The following NAA60 variants were observed in gnomAD, a reference collection of about 807,000 sequenced individuals.
NAA60 encodes the protein N-alpha-acetyltransferase 60, NatF catalytic subunit, also known as N-alpha-acetyltransferase 60.
A neutral mutation model predicts 26.1 loss-of-function variants in NAA60; 8 were observed. The ratio of observed to expected loss-of-function variants is 0.31; its 90% confidence interval spans 0.18 to 0.55. The LOEUF is 0.55. Ranked by LOEUF, NAA60 falls within the 20% of genes least tolerant of loss-of-function variation. NAA60 has a pLI of 0.93. For synonymous variants in NAA60, 131 were observed against 122.5 expected (o/e 1.07, Z -0.46); for missense variants, 290 against 311.3 (o/e 0.93, Z 0.51).
At chr16:3,476,538 A>G (rs535266459) in intron 3 of NAA60, among the ~76,000 whole-genome samples, 2 of 152,302 alleles carry the variant, frequency 1.3e-5, no homozygotes, top group South Asian at 4.1e-4. Context: ...CAGGGTGTGC[A>G]GAGTTCCCCA....
Position 3,479,587 on chromosome 16 carries a change from A to G in NAA60, c.227A>G (p.Lys76Arg). ...GTAGCTGAAATTAAGAACAGGACCA[A>G]AATACATAAAGAGGTACGTACGTGT... Reference protein sequence around the residue: ...MIVAEIKNRTKIHKEDGDILA... With the variant: ...MIVAEIKNRTRIHKEDGDILA... Residue 76 changes from lysine to arginine, a missense_variant, in exon 4 of 8, where the codon AAA becomes AGA. Lys to Arg is a conservative substitution (Grantham distance 26, BLOSUM62 2). Coordinates refer to ENST00000407558, the MANE Select transcript of NAA60 (RefSeq NM_001083601.3). 6.2e-7 allele frequency: 1 copy of G among 1,614,062 alleles called. No individual in the cohort carries two copies. The highest frequency in any genetic ancestry group is 8.5e-7 in the Non-Finnish European group (1 of 1,179,900).
chr16:3,466,717 A>C (rs2035788239), intron 2 of NAA60, among the ~76,000 whole-genome samples: 2 of 152,158 alleles, frequency 1.3e-5, no homozygotes, highest in South Asian at 4.1e-4. Flanking sequence ...GCTAACGGGC[A>C]GGACTGGGGT....
chr16:3,482,794 C>T (rs984548952), intron 5 of NAA60, 196 bp downstream of exon 5: 2 of 612,852 alleles, frequency 3.3e-6, no homozygotes, highest in East Asian at 2.8e-5. Context: ...CACCCACCAC[C>T]TTCAGCCATC....
At chr16:3,460,756 A>G (rs182257530) in intron 2 of NAA60, among the ~76,000 whole-genome samples, 1 of 152,278 alleles carries the variant, frequency 6.6e-6, no homozygotes, top group East Asian at 1.9e-4. Context: ...GCTTATGTCC[A>G]TGTGAAGTGC....
chr16:3,481,482 C>T (rs933650742), intron 4 of NAA60, among the ~76,000 whole-genome samples: 2 of 152,150 alleles, frequency 1.3e-5, no homozygotes, highest in Admixed American at 1.3e-4. Context: ...CTGAGTGCCC[C>T]CTGGTGACTG....
At chr16:3,450,421 C>T (rs1173868951) in intron 2 of NAA60, among the ~76,000 whole-genome samples, 1 of 152,186 alleles carries the variant, frequency 6.6e-6, no homozygotes, top group Non-Finnish European at 1.5e-5. Context: ...TGTGCTCCTG[C>T]TGGGCGCAGT....
chr16:3,476,213 T>TAC lies in NAA60; in HGVS notation c.-6-9_-6-8insAC. ...TGAGGTGACGCGTCCCCCCCACCCT[T>TAC]CCCCACAGGTGTGAATGACAGAGGT... On this transcript the variant is annotated splice_polypyrimidine_tract_variant and intron_variant, in intron 2 of 7. Transcript: ENST00000407558. 3 of 1,593,842 alleles carry TAC rather than the reference T, an allele frequency of 1.9e-6. No individual in the cohort carries two copies. Among genetic ancestry groups the TAC allele is most frequent in the Non-Finnish European group, 2.6e-6 (3 of 1,165,320 alleles).
chr16:3,486,000 G>T lies in NAA60; in HGVS notation c.*740G>T. On this transcript the variant is annotated 3_prime_UTR_variant, in exon 8 of 8. Transcript: ENST00000407558. Reference sequence around the variant, plus strand: ...GGACCTTGGCATGCTCCATTCAGCTGACCTGCTGAGGACAGGCATCGCCGA... The same window carrying T: ...GGACCTTGGCATGCTCCATTCAGCTTACCTGCTGAGGACAGGCATCGCCGA... The T allele has an allele frequency of 1.1e-5, 3 of 270,066 alleles. No homozygotes were observed. The highest frequency in any genetic ancestry group is 1.1e-4 in the East Asian group (1 of 9,406). 16.7% of individuals were successfully genotyped at this position (270,066 alleles called of 1,614,324 possible).
intron 2 of NAA60, among the ~76,000 whole-genome samples, chr16:3,475,646 T>A (rs181976749): frequency 9.2e-5 from 14 of 152,320 alleles, no homozygotes; most frequent in Middle Eastern, 3.4e-3. Flanking sequence ...AGTCTCTTTC[T>A]TTCCGCCCAG....
At position 3,476,314 on chromosome 16, in the gene NAA60, G is replaced by C; in HGVS notation, c.87G>C (p.Leu29=). The change falls in exon 3 of 8, where the codon CTG becomes CTC. Residue 29 remains leucine (L), a synonymous_variant. Coordinates refer to ENST00000407558, the MANE Select transcript of NAA60 (RefSeq NM_001083601.3). ...CHDDIDTVKH[L]CGDWFPIEYP... ...ATGACATAGACACTGTGAAGCACCT[G>C]TGTGGCGACTGGTTCCCCATCGAGT... The C allele has an allele frequency of 6.2e-7, 1 of 1,613,942 alleles. No individual in the cohort carries two copies. The highest frequency in any genetic ancestry group is 1.3e-5 in the African/African-American group (1 of 75,080).
intron 2 of NAA60, among the ~76,000 whole-genome samples, chr16:3,472,781 C>T (rs1256044743): frequency 6.6e-6 from 1 of 152,180 alleles, no homozygotes; most frequent in African/African-American, 2.4e-5. Context: ...GTGGCATACC[C>T]GTTATCCAGA....
chr16:3,457,704 G>C (rs552221109), intron 2 of NAA60, among the ~76,000 whole-genome samples: 1 of 152,238 alleles, frequency 6.6e-6, no homozygotes, highest in Non-Finnish European at 1.5e-5. Context: ...GCCTGCCAGG[G>C]CCTGTGCGGG....
intron 1 of NAA60, chr16:3,447,340 A>C (rs560927646): frequency 6.4e-5 from 23 of 361,112 alleles, no homozygotes; most frequent in Non-Finnish European, 8.9e-5. Flanking sequence ...AGGTGTATAT[A>C]TTTATGTGGT....
chr16:3,443,761 GA>G lies in NAA60; in HGVS notation c.-152del, dbSNP rs1480483660. 9 of 1,533,610 alleles carry G rather than the reference GA, an allele frequency of 5.9e-6. No homozygotes were observed. Among genetic ancestry groups the G allele is most frequent in the Non-Finnish European group, 7.9e-6 (9 of 1,145,716 alleles). ...TAGAGTCTTAGGGTGACCCCAGGGG[GA>G]CGTAATGTTTCCGAGAAGAAGGACA... On this transcript the variant is annotated 5_prime_UTR_variant, in exon 1 of 8. Coordinates refer to ENST00000407558, the MANE Select transcript of NAA60 (RefSeq NM_001083601.3).
Position 3,479,600 on chromosome 16 carries a change from G to C in NAA60, c.240G>C (p.Glu80Asp). The C allele has an allele frequency of 6.2e-7, 1 of 1,613,962 alleles. No homozygotes were observed. The highest frequency in any genetic ancestry group is 8.5e-7 in the Non-Finnish European group (1 of 1,179,862). ...AGAACAGGACCAAAATACATAAAGA[G>C]GTACGTACGTGTGTGCAGTGAGGAC... ...EIKNRTKIHK[E>D]DGDILASNFS... is the part of the protein sequence containing the mutation. Residue 80 changes from glutamate (E) to aspartate (D), a missense_variant and splice_region_variant, in exon 4 of 8, where the codon GAG becomes GAC. Coordinates refer to ENST00000407558, the MANE Select transcript of NAA60 (RefSeq NM_001083601.3).
chr16:3,457,922 G>C (rs980585013), intron 2 of NAA60: 6 of 948,374 alleles, frequency 6.3e-6, no homozygotes, highest in Non-Finnish European at 7.5e-6. Flanking sequence ...CTCCCAACCT[G>C]CCCGCTCCCA....
At position 3,470,564 on chromosome 16, in the gene NAA60, T is replaced by A. The variant is rs538976246; in HGVS notation, c.-6-5658T>A. Reference sequence around the variant, plus strand: ...CGTGGCCCTCATAGCCAGCTCCGTCTCTCTCTCCTTGGGCCTGCTGTGACT... The same window carrying A: ...CGTGGCCCTCATAGCCAGCTCCGTCACTCTCTCCTTGGGCCTGCTGTGACT... On this transcript the variant is annotated intron_variant, in intron 2 of 7. Coordinates refer to ENST00000407558, the MANE Select transcript of NAA60 (RefSeq NM_001083601.3). 5.3e-5 allele frequency among the ~76,000 whole-genome samples: 8 copies of A among 152,222 alleles called. No homozygotes were observed. In the South Asian group the frequency reaches 1.7e-3, roughly 32 times the overall value.
At chr16:3,472,558 A>G (rs548098693) in intron 2 of NAA60, among the ~76,000 whole-genome samples, 11 of 152,074 alleles carry the variant, frequency 7.2e-5, no homozygotes, top group Non-Finnish European at 1.5e-4. Flanking sequence ...TCAGCCTCCT[A>G]AGTAACTGGG....
chr16:3,462,029 G>A (rs935169448), intron 2 of NAA60, among the ~76,000 whole-genome samples: 1 of 142,444 alleles, frequency 7.0e-6, no homozygotes, highest in Non-Finnish European at 1.5e-5. Context: ...GGAGGTTGCA[G>A]TAAGTTGAGA....
Sources: allele counts gnomAD v4.1 joint callset (sites outside exome capture counted in the v4.1 genomes callset), GRCh38; gene constraint gnomAD v4.1.1; transcripts MANE v1.5; gene names NCBI Gene and HGNC (gene_info 2026-07-23, HGNC 2026-07-21).